The following SPG7 variants were observed in gnomAD, a reference collection of about 807,000 sequenced individuals.
SPG7 encodes mitochondrial inner membrane m-AAA protease component paraplegin.
SPG7 carries 103 observed loss-of-function variants against 81.9 expected under a neutral mutation model. The ratio of observed to expected loss-of-function variants is 1.26; its 90% CI spans 1.07 to 1.48. The LOEUF (loss-of-function observed/expected upper bound fraction) is 1.48, where lower values mean the gene tolerates loss of function less well. Ranked by LOEUF, SPG7 falls within the 40% of genes most tolerant of loss-of-function variation. The pLI is 0.00. For synonymous variants in SPG7, 534 were observed against 444.2 expected (o/e 1.20, Z -2.54); for missense variants, 1,241 against 1,087.3 (o/e 1.14, Z -1.99).
intron 3 of SPG7, chr16:89,514,308 CTTTTTTTTTTTTTTTTTT>C (rs148270097): frequency 1.0e-4 from 5 of 48,418 alleles, no homozygotes; most frequent in Non-Finnish European, 1.4e-4. Flanking sequence ...TGTCCTTTGA[CTTTTTTTTTTTTTTTTTT>C]TTTTTTTTTT....
Position 89,524,034 on chromosome 16 carries a change from C to T in SPG7, c.405C>T (p.Asp135=). The change falls in exon 4 of 17, where the codon GAC becomes GAT. Residue 135 remains aspartate, a synonymous_variant. Transcript: ENST00000645818. ...EEERRRRERD[D]QMYRERLRTL... is the part of the protein sequence containing the mutation. ...AGAGGAGACGCCGTGAGCGGGACGA[C>T]CAGATGTACCGAGAGCGGCTGCGCA... 1 of 1,613,376 alleles carries T rather than the reference C, an allele frequency of 6.2e-7. No homozygotes were observed. The highest frequency in any genetic ancestry group is 8.5e-7 in the Non-Finnish European group (1 of 1,180,022).
chr16:89,529,463 C>G lies in SPG7; in HGVS notation c.759-14C>G, dbSNP rs769271324. The G allele has an allele frequency of 1.3e-6, 2 of 1,594,542 alleles. No homozygotes were observed. Among genetic ancestry groups the G allele is most frequent in the South Asian group, 1.1e-5 (1 of 89,944 alleles). Reference sequence around the variant, plus strand: ...ACCGTCTGAGCCTGTGCCTGCCTCTCTTTCTTCCGGCAGTGCCCTGTACTC... The same window carrying G: ...ACCGTCTGAGCCTGTGCCTGCCTCTGTTTCTTCCGGCAGTGCCCTGTACTC... On this transcript the variant is annotated splice_polypyrimidine_tract_variant and intron_variant, in intron 5 of 16. Coordinates refer to ENST00000645818, the MANE Select transcript of SPG7 (RefSeq NM_003119.4).
chr16:89,529,621 T>G (rs374622315), intron 6 of SPG7, 42 bp downstream of exon 6: 2 of 1,405,770 alleles, frequency 1.4e-6, no homozygotes, highest in Non-Finnish European at 2.0e-6. Flanking sequence ...CTTTCTGGTT[T>G]GTGTTTGCTG....
rs778717018 is a variant in SPG7 at position 89,557,369 on chromosome 16, G to A, written c.*276G>A. On this transcript the variant is annotated 3_prime_UTR_variant, in exon 17 of 17. Coordinates refer to ENST00000645818, the MANE Select transcript of SPG7 (RefSeq NM_003119.4). ...GCATGGAACACTTCGAGTTCCCAGGGTTATAGACAGTCGTTCCCAGTGTGG... is the reference window on the plus strand; with the variant it reads ...GCATGGAACACTTCGAGTTCCCAGGATTATAGACAGTCGTTCCCAGTGTGG... The A allele has an allele frequency of 5.8e-5, 28 of 483,724 alleles. No homozygotes were observed. The highest frequency in any genetic ancestry group is 8.7e-5 in the Non-Finnish European group (23 of 264,392). The allele number at this position is 483,724 out of a possible 1,614,324, so 30.0% of individuals were successfully genotyped here.
At chr16:89,550,296 C>T (rs1333319221) in intron 12 of SPG7, 198 bp from the exon 13 acceptor site, 3 of 552,160 alleles carry the variant, frequency 5.4e-6, no homozygotes, top group Non-Finnish European at 1.0e-5. Flanking sequence ...CCTCAGCCTC[C>T]CAAGTAGCTG....
At position 89,544,746 on chromosome 16, in the gene SPG7, G is replaced by A. The variant is rs765608610; in HGVS notation, c.1423G>A (p.Val475Ile). ...LMRPGRLDRH[V>I]FIDLPTLQER... ...GAGGCCAGGCCGACTGGACCGGCAC[G>A]TCTTCATTGATCTCCCCACGCTGCA... The change falls in exon 10 of 17, where the codon GTC becomes ATC. Residue 475 changes from valine to isoleucine, a missense_variant. Val to Ile is a conservative substitution (Grantham distance 29). Transcript: ENST00000645818. 8.7e-6 allele frequency: 14 copies of A among 1,613,964 alleles called. No individual in the cohort carries two copies. Among genetic ancestry groups the A allele is most frequent in the South Asian group, 4.4e-5 (4 of 91,094 alleles).
rs189298343 is a variant in SPG7, at chr16:89,554,232, C to T, written c.2104-254C>T. 1.6e-4 allele frequency among the ~76,000 whole-genome samples: 24 copies of T among 147,686 alleles called. 1 individual carries two copies. The highest frequency in any genetic ancestry group is 1.5e-3 in the Admixed American group (22 of 14,714). On this transcript the variant is annotated intron_variant, in intron 15 of 16. Coordinates refer to ENST00000645818, the MANE Select transcript of SPG7 (RefSeq NM_003119.4). ...GCAATAGACCCAGGGCCCACATGTC[C>T]TTCAGACTGGGCCAGGAAGGGCCGA... is the stretch of plus-strand genomic sequence containing the variant.
chr16:89,536,472 T>TGAGGCCGGGTGAGGCGGGC (rs1318066565), intron 9 of SPG7, among the ~76,000 whole-genome samples: 1 of 53,442 alleles, frequency 1.9e-5, no homozygotes, highest in Non-Finnish European at 4.2e-5. Context: ...GTGAGGCGGG[T>TGAGGCCGGGTGAGGCGGGC]GAGGCGGGTG....
At chr16:89,543,759 T>G (rs1034572986) in intron 9 of SPG7, 4 of 151,920 alleles carry the variant, frequency 2.6e-5, no homozygotes, top group African/African-American at 9.7e-5. Flanking sequence ...GTTCAAGCGA[T>G]TCTTCTGCTT....
intron 9 of SPG7, chr16:89,536,724 G>T (rs776861944): frequency 1.2e-6 from 2 of 1,611,946 alleles, no homozygotes; most frequent in Non-Finnish European, 8.5e-7. Flanking sequence ...TGGACACCAA[G>T]GTCTTCGTCC....
In SPG7 at chr16:89,553,063, C is replaced by G. The variant is rs896570007; in HGVS notation, c.1864C>G (p.Leu622Val). 2 of 1,613,812 alleles carry G rather than the reference C, an allele frequency of 1.2e-6. No homozygotes were observed. Among genetic ancestry groups the G allele is most frequent in the African/African-American group, 2.7e-5 (2 of 74,918 alleles). ...CCAGCACCTCTTCACCAAGGAGCAG[C>G]TGTTTGAGCGGATGTGCATGGCCCT... is the stretch of plus-strand genomic sequence containing the variant. ...RDQHLFTKEQ[L>V]FERMCMALGG... The change falls in exon 14 of 17, where the codon CTG becomes GTG. Residue 622 changes from leucine (L) to valine (V), a missense_variant. By Grantham distance (32) the Leu-to-Val change is conservative (BLOSUM62 1). Transcript: ENST00000645818.
intron 2 of SPG7, among the ~76,000 whole-genome samples, chr16:89,511,619 C>A (rs901924587): frequency 6.6e-6 from 1 of 152,196 alleles, no homozygotes; most frequent in African/African-American, 2.4e-5. Context: ...CCTCCTTAAG[C>A]CTGAGGTGAC....
chr16:89,514,487 ATTTTTTG>A (rs2058067415), intron 3 of SPG7: 1 of 151,050 alleles, frequency 6.6e-6, no homozygotes, highest in Admixed American at 6.6e-5. Flanking sequence ...CACCCTGCTA[ATTTTTTG>A]TTTTTTGTTC....
Position 89,557,545 on chromosome 16 carries a change from C to A in SPG7, c.*452C>A. ...ACCCTGTGAGCCGATTGTCCTATCT[C>A]CAGCGGCCCTGTCATCCAGCTCACT... On this transcript the variant is annotated 3_prime_UTR_variant, in exon 17 of 17. Transcript: ENST00000645818. The A allele has an allele frequency of 9.7e-5, 20 of 206,328 alleles. No individual in the cohort carries two copies. The highest frequency in any genetic ancestry group is 3.0e-4 in the South Asian group (4 of 13,378). The allele number at this position is 206,328 out of a possible 1,614,324, so 12.8% of individuals were successfully genotyped here.
chr16:89,529,648 G>A, intron 6 of SPG7, 69 bp downstream of exon 6: 1 of 1,167,146 alleles, frequency 8.6e-7, no homozygotes, highest in Non-Finnish European at 1.3e-6. Flanking sequence ...TTTCCCATAA[G>A]CTATACGATG....
At position 89,557,001 on chromosome 16, in the gene SPG7, G is replaced by A. The variant is rs765234422; in HGVS notation, c.2296G>A (p.Ala766Thr). 1.9e-6 allele frequency: 3 copies of A among 1,613,848 alleles called. No homozygotes were observed. In the South Asian group the frequency reaches 3.3e-5, roughly 18 times the overall value. Reference sequence around the variant, plus strand: ...GATCGCACCGCAGAGGTGGATCGACGCCCAGAGGGAGAAACAGGACTTGGG... The same window carrying A: ...GATCGCACCGCAGAGGTGGATCGACACCCAGAGGGAGAAACAGGACTTGGG... Reference protein sequence around the residue: ...KMIAPQRWIDAQREKQDLGEE... With the variant: ...KMIAPQRWIDTQREKQDLGEE... The change falls in exon 17 of 17, where the codon GCC becomes ACC. Residue 766 changes from alanine to threonine, a missense_variant. Transcript: ENST00000645818.
intron 9 of SPG7, chr16:89,538,700 T>G (rs1597646060): frequency 6.6e-6 from 1 of 152,536 alleles, no homozygotes; most frequent in African/African-American, 2.4e-5. Flanking sequence ...TGTCCGTGGC[T>G]TGCTCCCTGT....
At chr16:89,553,183 T>C (rs2058653907) in intron 14 of SPG7, 48 bp downstream of exon 14, 4 of 1,542,988 alleles carry the variant, frequency 2.6e-6, no homozygotes, top group African/African-American at 2.7e-5. Context: ...CGCTTTTCCC[T>C]GCATGACTCC....
chr16:89,517,526 T>A (rs1418898047), intron 3 of SPG7: 1 of 152,186 alleles, frequency 6.6e-6, no homozygotes, highest in East Asian at 1.9e-4. Context: ...CACCATGCCC[T>A]TTGCTCTCCT....
Sources: allele counts gnomAD v4.1 joint callset (sites outside exome capture counted in the v4.1 genomes callset), GRCh38; gene constraint gnomAD v4.1.1; transcripts MANE v1.5; gene names NCBI Gene and HGNC (gene_info 2026-07-23, HGNC 2026-07-21).